Variants in NOCT observed in about 807,000 individuals in gnomAD.
NOCT encodes CCR4 carbon catabolite repression 4-like.
In NOCT, 18 loss-of-function variants were observed where a neutral mutation model predicts 35.0. The ratio of observed to expected loss-of-function variants is 0.51; its 90% CI spans 0.36 to 0.76. NOCT has a LOEUF of 0.76. NOCT is among the 30% of genes least tolerant of loss of function. The probability of loss-of-function intolerance (pLI) is 0.01; values close to 1 mark genes in which losing one functional copy is unlikely to be tolerated. For synonymous variants in NOCT, 235 were observed against 226.3 expected, an observed-to-expected ratio of 1.04 and a Z score of -0.34; for missense variants, 479 against 541.0, an observed-to-expected ratio of 0.89 and a Z score of 1.14.
chr4:139,029,604 AGTTT>A (rs1174302152), intron 1 of NOCT, among the ~76,000 whole-genome samples: 2 of 152,172 alleles, frequency 1.3e-5, no homozygotes, highest in African/African-American at 2.4e-5. Flanking sequence ...CTTGGCACTT[AGTTT>A]ATTTTTATTT....
chr4:139,022,744 T>TGTG (rs921215113), intron 1 of NOCT, among the ~76,000 whole-genome samples: 10 of 152,192 alleles, frequency 6.6e-5, no homozygotes, highest in African/African-American at 2.4e-4. Flanking sequence ...AGGGTCTCAC[T>TGTG]GTGTTGCCCA....
chr4:139,016,641 G>GTTTTTTTTTTTTTTT (rs10541748), intron 1 of NOCT, among the ~76,000 whole-genome samples: 1 of 53,786 alleles, frequency 1.9e-5, no homozygotes, highest in African/African-American at 7.6e-5. Flanking sequence ...GTTTTACGTT[G>GTTTTTTTTTTTTTTT]TTTTTTTTTT....
chr4:139,017,831 A>G (rs1250316541), intron 1 of NOCT, among the ~76,000 whole-genome samples: 2 of 152,126 alleles, frequency 1.3e-5, no homozygotes, highest in Non-Finnish European at 2.9e-5. Flanking sequence ...AAAAATGTAT[A>G]TATTTTAAAA....
chr4:139,019,832 T>C (rs955831128), intron 1 of NOCT, among the ~76,000 whole-genome samples: 4 of 152,266 alleles, frequency 2.6e-5, no homozygotes, highest in Non-Finnish European at 4.4e-5. Context: ...GGAAGTCATC[T>C]GTGGATTTAT....
intron 1 of NOCT, among the ~76,000 whole-genome samples, chr4:139,023,703 G>T (rs575566192): frequency 1.0e-3 from 156 of 152,138 alleles, no homozygotes; most frequent in African/African-American, 2.7e-3. Context: ...TTGCCATGTT[G>T]GTCAGGCTGT....
chr4:139,036,938 G>T (rs1055931292), intron 1 of NOCT, among the ~76,000 whole-genome samples: 8 of 152,172 alleles, frequency 5.3e-5, no homozygotes, highest in African/African-American at 1.9e-4. Context: ...TGGCACAGGG[G>T]AGTCCATCAG....
chr4:139,042,304 A>G (rs1292730871), intron 1 of NOCT, among the ~76,000 whole-genome samples: 1 of 151,974 alleles, frequency 6.6e-6, no homozygotes, highest in East Asian at 1.9e-4. Context: ...CCTGACCTCA[A>G]GTGATCCACC....
chr4:139,020,227 T>G (rs1428633302), intron 1 of NOCT, among the ~76,000 whole-genome samples: 2 of 152,216 alleles, frequency 1.3e-5, no homozygotes, highest in African/African-American at 2.4e-5. Flanking sequence ...TAACCTTGCT[T>G]GCTGTCTCAA....
chr4:139,028,511 T>A (rs1435990947), intron 1 of NOCT, among the ~76,000 whole-genome samples: 1 of 152,246 alleles, frequency 6.6e-6, no homozygotes, highest in Non-Finnish European at 1.5e-5. Flanking sequence ...GTGTGTGTGC[T>A]GTGACGACAG....
intron 1 of NOCT, among the ~76,000 whole-genome samples, chr4:139,024,997 G>A (rs889280955): frequency 5.3e-5 from 8 of 152,272 alleles, no homozygotes; most frequent in Admixed American, 1.3e-4. Flanking sequence ...GGTAACTACC[G>A]CCTTTGTCAA....
In NOCT at chr4:139,016,160, G is replaced by C. The variant is rs570473272; in HGVS notation, c.179G>C (p.Cys60Ser). 7.9e-7 allele frequency: 1 copy of C among 1,264,664 alleles called. No homozygotes were observed. Among genetic ancestry groups the C allele is most frequent in the South Asian group, 3.0e-5 (1 of 32,872 alleles). 78.3% of individuals were successfully genotyped at this position (1,264,664 alleles called of 1,614,324 possible). ...ASAASGAARS[C>S]SRTVCSMGTG... Reference sequence around the variant, plus strand: ...GCGGCCTCGGGCGCCGCGAGGTCGTGTTCCCGAACAGGTGAGTGCACCCCA... The same window carrying C: ...GCGGCCTCGGGCGCCGCGAGGTCGTCTTCCCGAACAGGTGAGTGCACCCCA... Residue 60 changes from cysteine (C) to serine (S), a missense_variant, in exon 1 of 3, where the codon TGT becomes TCT. Cys to Ser is a moderately radical substitution (Grantham distance 112, BLOSUM62 -1). Coordinates refer to ENST00000280614, the MANE Select transcript of NOCT (RefSeq NM_012118.4).
At chr4:139,034,726 C>G (rs1046798955) in intron 1 of NOCT, among the ~76,000 whole-genome samples, 1 of 151,984 alleles carries the variant, frequency 6.6e-6, no homozygotes, top group Non-Finnish European at 1.5e-5. Flanking sequence ...CATGCGCCAC[C>G]ACACCCAGCT....
In NOCT at chr4:139,016,123, GCGGCGGCCT is replaced by G. The variant is rs757712906; in HGVS notation, c.155_163del (p.Ala52_Ser54del). 437 of 1,303,574 alleles carry G rather than the reference GCGGCGGCCT, an allele frequency of 3.4e-4. 2 individuals carry two copies. Among genetic ancestry groups the G allele is most frequent in the African/African-American group, 6.3e-4 (41 of 65,318 alleles). 80.8% of individuals were successfully genotyped at this position (1,303,574 alleles called of 1,614,324 possible). On this transcript the variant is annotated inframe_deletion, in exon 1 of 3. Coordinates refer to ENST00000280614, the MANE Select transcript of NOCT (RefSeq NM_012118.4). ...CAGGCCCGCATCCCCCCGGCTGCTG[GCGGCGGCCT>G]CGGCGGCCTCGGGCGCCGCGAGGTC...
chr4:139,036,098 C>G (rs1726733120), intron 1 of NOCT, among the ~76,000 whole-genome samples: 1 of 152,106 alleles, frequency 6.6e-6, no homozygotes, highest in Non-Finnish European at 1.5e-5. Flanking sequence ...ACTACACACA[C>G]ACATATATAT....
chr4:139,037,138 A>G (rs965306915), intron 1 of NOCT, among the ~76,000 whole-genome samples: 12 of 152,248 alleles, frequency 7.9e-5, no homozygotes, highest in Admixed American at 6.5e-4. Flanking sequence ...ACCTTGGGGA[A>G]TATCTTTGGG....
At chr4:139,020,450 G>A (rs976357129) in intron 1 of NOCT, among the ~76,000 whole-genome samples, 2 of 152,186 alleles carry the variant, frequency 1.3e-5, no homozygotes, top group African/African-American at 4.8e-5. Context: ...CGGGGTGGTG[G>A]GGGCAGGCAG....
Position 139,015,967 on chromosome 4 carries a change from GC to G in NOCT, c.-14del. The G allele has an allele frequency of 7.5e-7, 1 of 1,340,594 alleles. No homozygotes were observed. Among genetic ancestry groups the G allele is most frequent in the Non-Finnish European group, 9.5e-7 (1 of 1,050,646 alleles). The allele number at this position is 1,340,594 out of a possible 1,614,324, so 83.0% of individuals were successfully genotyped here. On this transcript the variant is annotated 5_prime_UTR_variant, in exon 1 of 3. Transcript: ENST00000280614. The stretch of plus-strand genomic sequence containing the variant: ...CTCGGGCGCGCGAGGGGCCGTGGTG[GC>G]GGCGGCGCCCGGCATGTTTCATAGT...
chr4:139,044,598 G>A, intron 2 of NOCT, 41 bp from the exon 3 acceptor site: 1 of 1,370,588 alleles, frequency 7.3e-7, no homozygotes, highest in East Asian at 2.3e-5. Context: ...TGAAGTCACG[G>A]TTTTGTAAGA....
In NOCT at chr4:139,015,835, A is replaced by G. The variant is rs1000683810; in HGVS notation, c.-147A>G. 2 of 572,754 alleles carry G rather than the reference A, an allele frequency of 3.5e-6. No individual in the cohort carries two copies. Among genetic ancestry groups the G allele is most frequent in the African/African-American group, 4.0e-5 (2 of 50,540 alleles). 35.5% of individuals were successfully genotyped at this position (572,754 alleles called of 1,614,324 possible). On this transcript the variant is annotated 5_prime_UTR_variant, in exon 1 of 3. Coordinates refer to ENST00000280614, the MANE Select transcript of NOCT (RefSeq NM_012118.4). Reference sequence around the variant, plus strand: ...TCCCTCTCCGGCTCTGCTGCCCGGGATTTCCCCAGAACCTGCGCCGCGCGA... The same window carrying G: ...TCCCTCTCCGGCTCTGCTGCCCGGGGTTTCCCCAGAACCTGCGCCGCGCGA...
Sources: allele counts gnomAD v4.1 joint callset (sites outside exome capture counted in the v4.1 genomes callset), GRCh38; gene constraint gnomAD v4.1.1; transcripts MANE v1.5; gene names NCBI Gene and HGNC (gene_info 2026-07-23, HGNC 2026-07-21).